The following AMZ1 variants were observed in gnomAD, a reference collection of about 807,000 sequenced individuals.
AMZ1 encodes archaemetzincin-1.
A neutral mutation model predicts 29.9 loss-of-function variants in AMZ1; 39 were observed. That is an observed-to-expected ratio of 1.30 (90% CI 1.01 to 1.70). The LOEUF (loss-of-function observed/expected upper bound fraction) is 1.70, where lower values mean the gene tolerates loss of function less well. Ranked by LOEUF, AMZ1 falls within the 40% of genes most tolerant of loss-of-function variation. AMZ1 has a pLI of 0.00. For synonymous variants in AMZ1, 458 were observed against 304.0 expected (o/e 1.51, Z -5.27); for missense variants, 1,041 against 680.6 (o/e 1.53, Z -5.89).
chr7:2,696,146 C>T (rs557321952), intron 1 of AMZ1, among the ~76,000 whole-genome samples: 1 of 152,094 alleles, frequency 6.6e-6, no homozygotes, highest in South Asian at 2.1e-4. Context: ...AGATTTAACC[C>T]TACTCCACCT....
chr7:2,720,206 C>T (rs112052991), downstream of AMZ1, among the ~76,000 whole-genome samples: 1,560 of 152,192 alleles, frequency 0.01, 16 homozygotes, highest in African/African-American at 0.024. Context: ...TGGACCGGTT[C>T]ATCTACCCAC....
At chr7:2,704,375 A>T (rs1442151247) in intron 3 of AMZ1, among the ~76,000 whole-genome samples, 2 of 152,026 alleles carry the variant, frequency 1.3e-5, no homozygotes, top group Non-Finnish European at 2.9e-5. Context: ...GGTGGCACAC[A>T]TCTATAGTCT....
chr7:2,745,733 T>A (rs1790733342), intron 4 of AMZ1, among the ~76,000 whole-genome samples: 1 of 152,096 alleles, frequency 6.6e-6, no homozygotes, highest in Non-Finnish European at 1.5e-5. Flanking sequence ...GCAAATTGGA[T>A]AAAGAGTCAA....
intron 1 of AMZ1, among the ~76,000 whole-genome samples, chr7:2,692,633 C>G (rs944281057): frequency 4.6e-5 from 7 of 152,126 alleles, no homozygotes; most frequent in Non-Finnish European, 7.4e-5. Flanking sequence ...TCCTGGGCGC[C>G]TCTTCCGTAG....
At chr7:2,735,180 C>T (rs566314258) in intron 4 of AMZ1, among the ~76,000 whole-genome samples, 1 of 152,330 alleles carries the variant, frequency 6.6e-6, no homozygotes, top group East Asian at 1.9e-4. Context: ...CTCTCCTGCC[C>T]TCCCCTGGGC....
At chr7:2,745,778 T>G (rs572845543) in intron 4 of AMZ1, among the ~76,000 whole-genome samples, 131 of 152,196 alleles carry the variant, frequency 8.6e-4, no homozygotes, top group African/African-American at 3.1e-3. Flanking sequence ...GAAACCCATC[T>G]CACGTGCAGA....
chr7:2,746,148 T>C (rs58095489), intron 4 of AMZ1, among the ~76,000 whole-genome samples: 33 of 152,220 alleles, frequency 2.2e-4, no homozygotes, highest in African/African-American at 6.7e-4. Flanking sequence ...AGGAATTGAA[T>C]TCAGCTCTGC....
chr7:2,685,559 C>CAA (rs56989894), upstream of AMZ1, among the ~76,000 whole-genome samples: 1 of 118,712 alleles, frequency 8.4e-6, no homozygotes, highest in Non-Finnish European at 1.8e-5. Flanking sequence ...GACTCCGTCT[C>CAA]AAAAAAAAAA....
At chr7:2,753,127 C>T (rs913261827) in intron 4 of AMZ1, among the ~76,000 whole-genome samples, 3 of 151,610 alleles carry the variant, frequency 2.0e-5, no homozygotes, top group African/African-American at 7.3e-5. Context: ...CTAGAGTGTA[C>T]TTAAAGTGAA....
intron 4 of AMZ1, chr7:2,733,377 G>T (rs941864358): frequency 3.2e-6 from 4 of 1,235,564 alleles, no homozygotes; most frequent in Non-Finnish European, 2.3e-6. Context: ...TCCTCACAAC[G>T]TGGACTGCTT....
At chr7:2,746,219 T>G (rs1372415205) in intron 4 of AMZ1, among the ~76,000 whole-genome samples, 1 of 152,176 alleles carries the variant, frequency 6.6e-6, no homozygotes, top group East Asian at 1.9e-4. Context: ...GAATATACAT[T>G]CTTTTCAGCA....
chr7:2,745,090 ACT>A (rs1381668486), intron 4 of AMZ1, among the ~76,000 whole-genome samples: 1 of 152,222 alleles, frequency 6.6e-6, no homozygotes. Flanking sequence ...GTTGGAAAAC[ACT>A]CTGCAGGATA....
In AMZ1 at chr7:2,718,870, G is replaced by T. The variant is rs915506113; in HGVS notation, c.*5992G>T. Among the ~76,000 whole-genome samples the T allele has an allele frequency of 6.6e-6, 1 of 152,184 alleles. No homozygotes were observed. The highest frequency in any genetic ancestry group is 1.5e-5 in the Non-Finnish European group (1 of 68,032). On this transcript the variant is annotated 3_prime_UTR_variant, in exon 7 of 7. Transcript: ENST00000683327. ...GGGAGTCACAGAAACCACGGGAAACGGAGTGGGTTGGAAGAGGCAGAGAAC... is the reference window on the plus strand; with the variant it reads ...GGGAGTCACAGAAACCACGGGAAACTGAGTGGGTTGGAAGAGGCAGAGAAC...
intron 1 of AMZ1, among the ~76,000 whole-genome samples, chr7:2,696,357 C>A (rs969177321): frequency 6.7e-6 from 1 of 149,502 alleles, no homozygotes; most frequent in South Asian, 2.2e-4. Context: ...CCCAGGTTCA[C>A]GCCATTCTCC....
At chr7:2,738,971 A>T (rs554557868) in intron 4 of AMZ1, among the ~76,000 whole-genome samples, 4 of 152,104 alleles carry the variant, frequency 2.6e-5, no homozygotes, top group Admixed American at 1.3e-4. Flanking sequence ...AGCCTGGCAC[A>T]CAGCCACCCC....
intron 2 of AMZ1, among the ~76,000 whole-genome samples, chr7:2,701,194 G>T (rs1191037163): frequency 6.6e-6 from 1 of 151,916 alleles, no homozygotes; most frequent in Non-Finnish European, 1.5e-5. Context: ...TCATGCCACT[G>T]CATTCCAGCC....
At chr7:2,730,571 G>A (rs1264204775) in intron 4 of AMZ1, 1 of 152,548 alleles carries the variant, frequency 6.6e-6, no homozygotes, top group Non-Finnish European at 1.5e-5. Flanking sequence ...CTTGGACTAG[G>A]GGCTCTTAGG....
chr7:2,708,841 G>T (rs1452096343), intron 4 of AMZ1, 125 bp downstream of exon 4: 2 of 1,467,958 alleles, frequency 1.4e-6, no homozygotes, highest in Admixed American at 1.9e-5. Flanking sequence ...CAACACCTGT[G>T]CATGGGAATA....
At chr7:2,689,380 A>C (rs1292881604) in intron 1 of AMZ1, among the ~76,000 whole-genome samples, 1 of 132,212 alleles carries the variant, frequency 7.6e-6, no homozygotes, top group African/African-American at 2.6e-5. Flanking sequence ...TGGGGGGGGG[A>C]TGCGGACGTG....
Sources: allele counts gnomAD v4.1 joint callset (sites outside exome capture counted in the v4.1 genomes callset), GRCh38; gene constraint gnomAD v4.1.1; transcripts MANE v1.5; gene names NCBI Gene and HGNC (gene_info 2026-07-23, HGNC 2026-07-21).